Variants in FRMD4A observed in about 807,000 individuals in gnomAD.
FRMD4A encodes FERM domain containing 4A, also known as FERM domain-containing protein 4A.
FRMD4A carries 29 observed loss-of-function variants against 129.1 expected under a neutral mutation model. That is an observed-to-expected ratio of 0.22 (90% CI 0.17 to 0.31). FRMD4A has a LOEUF of 0.31. Ranked by LOEUF, FRMD4A falls within the 10% of genes least tolerant of loss-of-function variation. FRMD4A has a pLI of 1.00. For missense variants in FRMD4A, 1,272 were observed against 1,375.8 expected, an observed-to-expected ratio of 0.92 and a Z score of 1.19; for synonymous variants, 634 against 571.6, an observed-to-expected ratio of 1.11 and a Z score of -1.56.
chr10:14,285,669 T>TA (rs1845658228), intron 2 of FRMD4A, among the ~76,000 whole-genome samples: 1 of 152,244 alleles, frequency 6.6e-6, no homozygotes, highest in Admixed American at 6.5e-5. Context: ...TTATGAGGTT[T>TA]ATATGAAATA....
intron 2 of FRMD4A, among the ~76,000 whole-genome samples, chr10:14,068,654 A>G (rs1588903660): frequency 6.6e-6 from 1 of 152,230 alleles, no homozygotes. Context: ...TTTACATTTG[A>G]CATCACTTAC....
At chr10:14,236,920 T>C (rs563872630) in intron 2 of FRMD4A, among the ~76,000 whole-genome samples, 1 of 141,716 alleles carries the variant, frequency 7.1e-6, no homozygotes, top group African/African-American at 2.7e-5. Context: ...TAATGAAACC[T>C]ATATTTTAAG....
At chr10:14,067,594 G>A (rs1034108346) in intron 2 of FRMD4A, among the ~76,000 whole-genome samples, 8 of 151,776 alleles carry the variant, frequency 5.3e-5, no homozygotes, top group Admixed American at 1.3e-4. Flanking sequence ...CGAGGCGGGC[G>A]GATCACGAGG....
intron 2 of FRMD4A, among the ~76,000 whole-genome samples, chr10:13,920,292 C>G (rs1408886752): frequency 6.6e-6 from 1 of 152,196 alleles, no homozygotes; most frequent in African/African-American, 2.4e-5. Context: ...TGACTCAATG[C>G]TATCCTCCCC....
At chr10:13,728,145 T>C (rs1230766435) in intron 12 of FRMD4A, among the ~76,000 whole-genome samples, 5 of 152,158 alleles carry the variant, frequency 3.3e-5, no homozygotes, top group African/African-American at 1.2e-4. Context: ...ATACAGAGGG[T>C]GCTTTCAAAA....
At chr10:14,310,170 C>T (rs1846495361) in intron 2 of FRMD4A, among the ~76,000 whole-genome samples, 1 of 48 alleles carries the variant, frequency 0.021, no homozygotes, top group Admixed American at 0.25. Context: ...CAGCATTTTG[C>T]TCAGCCCTTC....
chr10:13,684,941 G>C, intron 15 of FRMD4A: 1 of 984,574 alleles, frequency 1.0e-6, no homozygotes, highest in Non-Finnish European at 1.2e-6. Context: ...GAAAAGTTTT[G>C]GCAGACATCC....
chr10:13,963,216 C>T (rs1021110409), intron 2 of FRMD4A, among the ~76,000 whole-genome samples: 1 of 148,902 alleles, frequency 6.7e-6, no homozygotes, highest in Middle Eastern at 3.5e-3. Context: ...AATGTGCAGA[C>T]TTGACAGAGA....
intron 24 of FRMD4A, among the ~76,000 whole-genome samples, chr10:13,649,977 C>T (rs1192314845): frequency 6.6e-6 from 1 of 152,202 alleles, no homozygotes; most frequent in Non-Finnish European, 1.5e-5. Context: ...TAGCCCTGGG[C>T]AGTCTGGGTC....
chr10:14,120,868 G>A (rs1471112160), intron 2 of FRMD4A, among the ~76,000 whole-genome samples: 1 of 152,214 alleles, frequency 6.6e-6, no homozygotes, highest in African/African-American at 2.4e-5. Context: ...CCTGGCTGAT[G>A]TCCCTTCACA....
intron 2 of FRMD4A, among the ~76,000 whole-genome samples, chr10:14,197,654 C>T (rs56015155): frequency 0.045 from 6,820 of 152,306 alleles, 246 homozygotes; most frequent in Non-Finnish European, 0.067. Flanking sequence ...AGCCACCGTG[C>T]CTGGCCAGGA....
At chr10:13,915,521 A>G (rs1011604878) in intron 2 of FRMD4A, among the ~76,000 whole-genome samples, 3 of 151,446 alleles carry the variant, frequency 2.0e-5, no homozygotes, top group Admixed American at 1.3e-4. Flanking sequence ...AAATACAAAA[A>G]ATTAGCCGGG....
chr10:13,674,495 G>A (rs2083799027), intron 16 of FRMD4A, among the ~76,000 whole-genome samples: 2 of 152,144 alleles, frequency 1.3e-5, no homozygotes, highest in African/African-American at 4.8e-5. Context: ...TGGGTTTAGG[G>A]ACTTTTTCTT....
chr10:13,686,570 T>C (rs751243660), intron 15 of FRMD4A, among the ~76,000 whole-genome samples: 1 of 152,200 alleles, frequency 6.6e-6, no homozygotes, highest in Non-Finnish European at 1.5e-5. Context: ...ACCTGTTTTC[T>C]CCCAGAACAG....
At chr10:14,055,816 A>G (rs1834499273) in intron 2 of FRMD4A, among the ~76,000 whole-genome samples, 1 of 152,232 alleles carries the variant, frequency 6.6e-6, no homozygotes, top group Admixed American at 6.5e-5. Flanking sequence ...TCAAGCATTT[A>G]TCTTTAGTGT....
intron 2 of FRMD4A, among the ~76,000 whole-genome samples, chr10:14,169,792 C>T (rs1841381834): frequency 6.6e-6 from 1 of 152,168 alleles, no homozygotes; most frequent in African/African-American, 2.4e-5. Flanking sequence ...TTATTCAAGT[C>T]TCCATTAAGA....
At chr10:13,877,492 C>A (rs901841850) in intron 2 of FRMD4A, among the ~76,000 whole-genome samples, 3 of 152,176 alleles carry the variant, frequency 2.0e-5, no homozygotes, top group African/African-American at 7.2e-5. Flanking sequence ...CAGTCCTACA[C>A]GGAGGTCCCA....
At chr10:13,928,564 T>C (rs2095160487) in intron 2 of FRMD4A, among the ~76,000 whole-genome samples, 1 of 152,234 alleles carries the variant, frequency 6.6e-6, no homozygotes, top group Non-Finnish European at 1.5e-5. Context: ...AGTTGGTTTT[T>C]TAACTTAGCT....
intron 2 of FRMD4A, chr10:13,971,931 C>G (rs1334180827): frequency 8.2e-7 from 1 of 1,226,470 alleles, no homozygotes; most frequent in Non-Finnish European, 1.0e-6. Context: ...CCAAATAACT[C>G]TGATTCCTCT....
Sources: gnomAD v4.1 joint callset for allele counts (sites outside exome capture counted in the v4.1 genomes callset) on GRCh38, gnomAD v4.1.1 for gene constraint, MANE v1.5 for transcripts, NCBI Gene and HGNC (gene_info 2026-07-23, HGNC 2026-07-21) for gene names.